EXTL3: variants seen among roughly 807,000 people sequenced by gnomAD.
EXTL3 encodes the protein exostosin like glycosyltransferase 3.
EXTL3 carries 27 observed loss-of-function variants against 69.3 expected under a neutral mutation model. The ratio of observed to expected loss-of-function variants is 0.39; its 90% CI spans 0.29 to 0.54. The LOEUF is 0.54. Among genes scored for constraint, EXTL3 ranks in the 20% least tolerant of loss-of-function variants. EXTL3 has a pLI of 0.69. For synonymous variants in EXTL3, 511 were observed against 499.4 expected, an observed-to-expected ratio of 1.02 and a Z score of -0.31; for missense variants, 1,003 against 1,231.8, an observed-to-expected ratio of 0.81 and a Z score of 2.78.
chr8:28,717,934 A>C lies in EXTL3; in HGVS notation c.1875A>C (p.Ser625=), dbSNP rs143652582. 6.2e-7 allele frequency: 1 copy of C among 1,614,062 alleles called. No homozygotes were observed. Among genetic ancestry groups the C allele is most frequent in the Non-Finnish European group, 8.5e-7 (1 of 1,180,032 alleles). The change falls in exon 3 of 7, where the codon TCA becomes TCC. Residue 625 remains serine (S), a synonymous_variant. Coordinates refer to ENST00000220562, the MANE Select transcript of EXTL3 (RefSeq NM_001440.4). The surrounding 1 kb of genome is among the most constrained non-coding windows in gnomAD (Gnocchi z 8.3). ...PHTPFDPVLP[S]EAKFLGSGTG... ...CTCCCTTTGACCCTGTGTTGCCCTC[A>C]GAGGCCAAATTCTTGGGCTCAGGGA...
Position 28,657,654 on chromosome 8 carries a change from A to AT in EXTL3, c.-53+34851dup, listed in dbSNP as rs200613007. On this transcript the variant is annotated intron_variant, in intron 1 of 6. Transcript: ENST00000523149. Reference sequence around the variant, plus strand: ...ATACATCTTTCACATTGTACACTCTATTTTTTTGCTTTGTAAGAGTCATCT... The same window carrying AT: ...ATACATCTTTCACATTGTACACTCTATTTTTTTTGCTTTGTAAGAGTCATCT... Among the ~76,000 whole-genome samples, 1,289 of 151,658 alleles carry AT rather than the reference A, an allele frequency of 8.5e-3. 12 individuals are homozygous for AT. Among genetic ancestry groups the AT allele is most frequent in the Non-Finnish European group, 0.013 (874 of 67,954 alleles).
intron 3 of EXTL3, among the ~76,000 whole-genome samples, chr8:28,721,300 G>A (rs768472861): frequency 5.3e-5 from 8 of 152,214 alleles, no homozygotes; most frequent in Non-Finnish European, 1.2e-4. Flanking sequence ...TGGCTTAGGG[G>A]TGGGCCAGAG....
chr8:28,676,857 C>T (rs1312258868), intron 1 of EXTL3, among the ~76,000 whole-genome samples: 7 of 152,102 alleles, frequency 4.6e-5, no homozygotes, highest in Admixed American at 3.3e-4. Flanking sequence ...ATTCTTGGAC[C>T]CCACCCACAG....
chr8:28,695,194 A>T (rs1800668149), intron 1 of EXTL3, among the ~76,000 whole-genome samples: 1 of 146,238 alleles, frequency 6.8e-6, no homozygotes. Context: ...CAGTGGCGGC[A>T]TCTTGGCTCA....
chr8:28,673,488 T>A (rs1209602958), intron 1 of EXTL3, among the ~76,000 whole-genome samples: 1 of 152,124 alleles, frequency 6.6e-6, no homozygotes, highest in Non-Finnish European at 1.5e-5. Context: ...AGCTGGAACA[T>A]CTCCAGACTG....
intron 1 of EXTL3, among the ~76,000 whole-genome samples, chr8:28,669,560 T>A (rs1253959946): frequency 1.3e-5 from 2 of 152,152 alleles, no homozygotes; most frequent in Admixed American, 1.3e-4. Flanking sequence ...TTGTGCAAAC[T>A]AAGGGGGAAA....
At chr8:28,620,436 T>C (rs1163923533), upstream of EXTL3, among the ~76,000 whole-genome samples, 2 of 152,166 alleles carry the variant, frequency 1.3e-5, no homozygotes, top group African/African-American at 4.8e-5. Flanking sequence ...GTGTGTGCCA[T>C]CCAAGAATGG....
intron 1 of EXTL3, chr8:28,685,820 T>C (rs2098026303): frequency 6.6e-6 from 1 of 151,524 alleles, no homozygotes; most frequent in Admixed American, 6.6e-5. Context: ...ATTATGTATG[T>C]GTGTGTGTAT....
intron 1 of EXTL3, among the ~76,000 whole-genome samples, chr8:28,665,377 C>T (rs1377730334): frequency 1.3e-5 from 2 of 149,574 alleles, no homozygotes; most frequent in African/African-American, 4.9e-5. Flanking sequence ...GTCTGGCCAC[C>T]TTTACTTTCA....
intron 2 of EXTL3, among the ~76,000 whole-genome samples, chr8:28,612,331 G>A (rs1373169454): frequency 6.6e-6 from 1 of 152,100 alleles, no homozygotes; most frequent in Non-Finnish European, 1.5e-5. Flanking sequence ...GCACATGCCT[G>A]TAGTCCCAGC....
chr8:28,609,914 A>T (rs943742058), intron 2 of EXTL3, among the ~76,000 whole-genome samples: 1 of 151,332 alleles, frequency 6.6e-6, no homozygotes, highest in Non-Finnish European at 1.5e-5. Context: ...AAAAAAAAAA[A>T]AAAAGCCAGA....
At chr8:28,714,771 T>G (rs1157214546) in intron 2 of EXTL3, among the ~76,000 whole-genome samples, 1 of 152,236 alleles carries the variant, frequency 6.6e-6, no homozygotes, top group African/African-American at 2.4e-5. Context: ...GCTGAGGGAC[T>G]GAGTCGCTAC....
At position 28,751,092 on chromosome 8, in the gene EXTL3, T is replaced by G. The variant is rs1801993698; in HGVS notation, c.*226T>G. 1.7e-6 allele frequency: 1 copy of G among 572,252 alleles called. No individual in the cohort carries two copies. The highest frequency in any genetic ancestry group is 1.9e-5 in the African/African-American group (1 of 53,272). 35.4% of individuals were successfully genotyped at this position (572,252 alleles called of 1,614,324 possible). ...CCCCGGGGTTCCCCACACAGGGCACTGACTGATAGCTTACACTGAGGACTG... is the reference window on the plus strand; with the variant it reads ...CCCCGGGGTTCCCCACACAGGGCACGGACTGATAGCTTACACTGAGGACTG... On this transcript the variant is annotated 3_prime_UTR_variant, in exon 7 of 7. Coordinates refer to ENST00000220562, the MANE Select transcript of EXTL3 (RefSeq NM_001440.4).
At chr8:28,718,246 T>C (rs1801210359) in intron 3 of EXTL3, 39 bp downstream of exon 3, 1 of 1,591,260 alleles carries the variant, frequency 6.3e-7, no homozygotes, top group Non-Finnish European at 8.6e-7. Context: ...GTGCATGAAA[T>C]AGTATTTCAC....
At chr8:28,634,003 C>T (rs1249738820) in intron 1 of EXTL3, among the ~76,000 whole-genome samples, 2 of 152,176 alleles carry the variant, frequency 1.3e-5, no homozygotes, top group Non-Finnish European at 2.9e-5. Flanking sequence ...CATCTGCCCC[C>T]TTGTTGAGAC....
chr8:28,743,081 G>A lies in EXTL3; in HGVS notation c.2422-5G>A. 4 of 1,613,998 alleles carry A rather than the reference G, an allele frequency of 2.5e-6. No homozygotes were observed. The highest frequency in any genetic ancestry group is 3.4e-6 in the Non-Finnish European group (4 of 1,179,938). ...AGCATGTGGTTCTTTTTCTTCCCCT[G>A]ACAGTATTATGCCTACCTGTATTCT... On this transcript the variant is annotated splice_region_variant and splice_polypyrimidine_tract_variant and intron_variant, in intron 5 of 6. Coordinates refer to ENST00000220562, the MANE Select transcript of EXTL3 (RefSeq NM_001440.4).
intron 3 of EXTL3, among the ~76,000 whole-genome samples, chr8:28,727,688 G>T (rs1287404413): frequency 6.6e-6 from 1 of 152,194 alleles, no homozygotes; most frequent in African/African-American, 2.4e-5. Context: ...GTAAGAGGAA[G>T]AGTTGGAATT....
At chr8:28,702,148 C>T (rs1394555104) in intron 1 of EXTL3, among the ~76,000 whole-genome samples, 1 of 151,938 alleles carries the variant, frequency 6.6e-6, no homozygotes, top group East Asian at 1.9e-4. Flanking sequence ...CCCGAGCACA[C>T]CTTCCCACAT....
At chr8:28,619,315 A>AAAAAAC (rs1563426180), upstream of EXTL3, among the ~76,000 whole-genome samples, 1 of 126,472 alleles carries the variant, frequency 7.9e-6, no homozygotes, top group African/African-American at 3.2e-5. Flanking sequence ...AAAAAAAAAA[A>AAAAAAC]CCCTGTGTGA....
Sources: allele counts gnomAD v4.1 joint callset (sites outside exome capture counted in the v4.1 genomes callset), GRCh38; gene constraint gnomAD v4.1.1; non-coding constraint Gnocchi (gnomAD v3.1); transcripts MANE v1.5; gene names NCBI Gene and HGNC (gene_info 2026-07-23, HGNC 2026-07-21).